Variants in RANBP3L observed in about 807,000 individuals in gnomAD.
RANBP3L encodes RAN binding protein 3 like.
RANBP3L carries 56 observed loss-of-function variants against 67.2 expected under a neutral mutation model. That is an observed-to-expected ratio of 0.83 (90% CI 0.67 to 1.04). RANBP3L has a LOEUF of 1.04. Among genes scored for constraint, RANBP3L ranks in the 50% least tolerant of loss-of-function variants. RANBP3L has a pLI of 0.00. For synonymous variants in RANBP3L, 164 were observed against 181.4 expected (o/e 0.90, Z 0.77); for missense variants, 496 against 535.5 (o/e 0.93, Z 0.73).
intron 1 of RANBP3L, among the ~76,000 whole-genome samples, chr5:36,277,458 G>A (rs1218813231): frequency 5.5e-4 from 82 of 149,298 alleles, no homozygotes; most frequent in African/African-American, 1.6e-3. Flanking sequence ...GTGTGTGTGT[G>A]TGTGTGTGTG....
intron 1 of RANBP3L, among the ~76,000 whole-genome samples, chr5:36,284,480 T>C (rs1751191791): frequency 6.6e-6 from 1 of 152,214 alleles, no homozygotes; most frequent in African/African-American, 2.4e-5. Flanking sequence ...AATGATTTAG[T>C]GTAATAGTTG....
chr5:36,272,220 C>CA (rs936196065), intron 1 of RANBP3L, among the ~76,000 whole-genome samples: 1 of 151,790 alleles, frequency 6.6e-6, no homozygotes, highest in Non-Finnish European at 1.5e-5. Flanking sequence ...TAAATTTTAA[C>CA]AAAAACAAAA....
At chr5:36,266,548 C>A (rs1025366425) in intron 4 of RANBP3L, among the ~76,000 whole-genome samples, 2 of 152,092 alleles carry the variant, frequency 1.3e-5, no homozygotes, top group African/African-American at 4.8e-5. Context: ...AAAAAAAGAG[C>A]CATATTTTTC....
chr5:36,259,468 A>T (rs1436876518), intron 8 of RANBP3L, among the ~76,000 whole-genome samples: 1 of 151,868 alleles, frequency 6.6e-6, no homozygotes, highest in Non-Finnish European at 1.5e-5. Flanking sequence ...CTGTGGTCCC[A>T]CCTACTCGGG....
At chr5:36,262,221 T>C (rs1011230298) in intron 6 of RANBP3L, among the ~76,000 whole-genome samples, 179 bp from the exon 7 acceptor site, 2 of 152,230 alleles carry the variant, frequency 1.3e-5, no homozygotes, top group African/African-American at 4.8e-5. Context: ...TGTAATTCTA[T>C]TGTCCACATT....
In RANBP3L at chr5:36,269,460, A is replaced by G; in HGVS notation, c.198T>C (p.Asn66=). The change falls in exon 4 of 14, where the codon AAT becomes AAC. Residue 66 remains asparagine (N), a synonymous_variant. Coordinates refer to ENST00000296604, the MANE Select transcript of RANBP3L (RefSeq NM_145000.5). The part of the protein sequence containing the change: ...TLYEAAEPEC[N]GFPTKRVRSS... The stretch of plus-strand genomic sequence containing the variant: ...ACCGTACACGCTTTGTTGGAAAACC[A>G]TTACATTCTGCAAGAAAAGCAATGG... The G allele has an allele frequency of 6.6e-7, 1 of 1,525,650 alleles. No individual in the cohort carries two copies. Among genetic ancestry groups the G allele is most frequent in the Non-Finnish European group, 9.1e-7 (1 of 1,099,794 alleles). The allele number at this position is 1,525,650 out of a possible 1,614,324, so 94.5% of individuals were successfully genotyped here.
At chr5:36,258,446 C>T (rs1330686703) in intron 8 of RANBP3L, among the ~76,000 whole-genome samples, 1 of 152,034 alleles carries the variant, frequency 6.6e-6, no homozygotes, top group Non-Finnish European at 1.5e-5. Flanking sequence ...GAAACTGAGG[C>T]ACAGAAAGTT....
At chr5:36,280,939 C>T (rs112043828) in intron 1 of RANBP3L, among the ~76,000 whole-genome samples, 3 of 152,008 alleles carry the variant, frequency 2.0e-5, no homozygotes, top group African/African-American at 7.2e-5. Flanking sequence ...TAAGAAGTAC[C>T]ATGAAAAGTT....
At chr5:36,263,407 G>T (rs1045127773) in intron 6 of RANBP3L, among the ~76,000 whole-genome samples, 1 of 152,020 alleles carries the variant, frequency 6.6e-6, no homozygotes, top group Non-Finnish European at 1.5e-5. Flanking sequence ...AAGAAATATT[G>T]ATGTATTTTT....
rs113767378 is a variant in RANBP3L at position 36,295,489 on chromosome 5, C to T, written c.91+5837G>A. Among the ~76,000 whole-genome samples, 1,393 of 152,222 alleles carry T rather than the reference C, an allele frequency of 9.2e-3. 4 individuals are homozygous for T. Among genetic ancestry groups the T allele is most frequent in the South Asian group, 0.02 (98 of 4,826 alleles). ...CTAAGGCCTCCCCAGCCCTGTGGAA[C>T]TGTGTGTCAATTAAACCTCTTTCCT... On this transcript the variant is annotated intron_variant, in intron 1 of 13. Transcript: ENST00000296604.
At chr5:36,257,803 C>T (rs979671568) in intron 8 of RANBP3L, among the ~76,000 whole-genome samples, 3 of 151,890 alleles carry the variant, frequency 2.0e-5, no homozygotes, top group Non-Finnish European at 2.9e-5. Flanking sequence ...GATCTAGTCC[C>T]GGAGGCAATG....
At chr5:36,265,391 G>T in intron 5 of RANBP3L, 58 bp downstream of exon 5, 1 of 1,157,454 alleles carries the variant, frequency 8.6e-7, no homozygotes, top group Non-Finnish European at 1.3e-6. Context: ...ATAGGGAGAT[G>T]AAAATATAGG....
At chr5:36,260,670 A>C in intron 8 of RANBP3L, 110 bp downstream of exon 8, 1 of 587,998 alleles carries the variant, frequency 1.7e-6, no homozygotes, top group South Asian at 2.2e-5. Flanking sequence ...GTTTGAACTC[A>C]GGAGTTAAAA....
At chr5:36,274,158 C>T (rs923082884) in intron 1 of RANBP3L, among the ~76,000 whole-genome samples, 1 of 152,068 alleles carries the variant, frequency 6.6e-6, no homozygotes, top group Non-Finnish European at 1.5e-5. Flanking sequence ...GTTCTTTGCT[C>T]GATTAAACTC....
intron 1 of RANBP3L, among the ~76,000 whole-genome samples, chr5:36,272,521 A>G (rs1310256870): frequency 6.6e-6 from 1 of 152,234 alleles, no homozygotes; most frequent in Non-Finnish European, 1.5e-5. Context: ...TTATCTCATA[A>G]GAGTTTCATA....
At chr5:36,255,331 T>C (rs1181543413) in intron 11 of RANBP3L, 139 bp downstream of exon 11, 1 of 759,158 alleles carries the variant, frequency 1.3e-6, no homozygotes. Context: ...GGGAAGCTCC[T>C]ATAGAAATAT....
At chr5:36,280,022 A>G (rs1750863337) in intron 1 of RANBP3L, among the ~76,000 whole-genome samples, 1 of 152,182 alleles carries the variant, frequency 6.6e-6, no homozygotes, top group Admixed American at 6.6e-5. Context: ...AACCATTATT[A>G]TCCAGAGCTT....
At position 36,255,601 on chromosome 5, in the gene RANBP3L, A is replaced by C; in HGVS notation, c.904-11T>G. On this transcript the variant is annotated splice_polypyrimidine_tract_variant and intron_variant, in intron 10 of 13. Transcript: ENST00000296604. ...AAGCTTGCAGTTTATCTAAATGACA[A>C]TTTTTTAAAATGTCAAATATATAGA... The C allele has an allele frequency of 6.3e-7, 1 of 1,591,576 alleles. No homozygotes were observed. Among genetic ancestry groups the C allele is most frequent in the African/African-American group, 1.4e-5 (1 of 74,018 alleles).
rs1432276686 is a variant in RANBP3L at position 36,293,612 on chromosome 5, G to GA, written c.91+7713_91+7714insT. 6.6e-4 allele frequency among the ~76,000 whole-genome samples: 2 copies of GA among 3,052 alleles called. 1 individual carries two copies. The highest frequency in any genetic ancestry group is 0.012 in the Non-Finnish European group (2 of 166). The allele number at this position is 3,052 out of a possible 152,430, so 2.0% of individuals were successfully genotyped here. A position where few individuals can be genotyped will look rare whatever the true frequency, so the allele number is the denominator to read the frequency against. ...ATTTATTGAGAGTTTTTAGCATGAA[G>GA]GTTGTTGAATTTTGTCAAAGGCCTT... On this transcript the variant is annotated intron_variant, in intron 1 of 13. Transcript: ENST00000296604.
Sources: allele counts gnomAD v4.1 joint callset (sites outside exome capture counted in the v4.1 genomes callset), GRCh38; gene constraint gnomAD v4.1.1; transcripts MANE v1.5; gene names NCBI Gene and HGNC (gene_info 2026-07-23, HGNC 2026-07-21).